Variants in PMM2 observed in about 807,000 individuals in gnomAD.
The protein encoded by PMM2 is phosphomannomutase 2.
PMM2 carries 35 observed loss-of-function variants against 33.2 expected under a neutral mutation model. That is an observed-to-expected ratio of 1.06 (90% CI 0.81 to 1.40). The LOEUF (loss-of-function observed/expected upper bound fraction) is 1.40. Ranked by LOEUF, PMM2 falls within the 40% of genes most tolerant of loss-of-function variation. PMM2 has a pLI of 0.00. For missense variants in PMM2, 386 were observed against 306.0 expected (o/e 1.26, Z -1.95); for synonymous variants, 153 against 114.7 (o/e 1.33, Z -2.13).
At chr16:8,832,600 G>C in intron 7 of PMM2, 1 of 985,372 alleles carries the variant, frequency 1.0e-6, no homozygotes, top group Non-Finnish European at 1.2e-6. Context: ...CCAGGTAATG[G>C]CCTCTGTCCT....
In PMM2 at chr16:8,798,025, G is replaced by C. The variant is rs151181393; in HGVS notation, c.66+77G>C. On this transcript the variant is annotated intron_variant, in intron 1 of 7. Coordinates refer to ENST00000268261, the MANE Select transcript of PMM2 (RefSeq NM_000303.3). ...CCCAGTTGGGGCTATCGACCACCCAGGGTAGGCGCCAAGGGGTGGCTAAGG... is the reference window on the plus strand; with the variant it reads ...CCCAGTTGGGGCTATCGACCACCCACGGTAGGCGCCAAGGGGTGGCTAAGG... The C allele has an allele frequency of 2.6e-4, 373 of 1,433,394 alleles. 1 individual carries two copies. In the African/African-American group the frequency reaches 5.0e-3, roughly 19 times the overall value. 88.8% of individuals were successfully genotyped at this position (1,433,394 alleles called of 1,614,324 possible).
chr16:8,830,141 G>A (rs1291597903), intron 7 of PMM2, among the ~76,000 whole-genome samples: 1 of 152,196 alleles, frequency 6.6e-6, no homozygotes, highest in South Asian at 2.1e-4. Context: ...AGTAGAGATG[G>A]TGCCAGTGTC....
At chr16:8,798,940 A>G (rs1288661085) in intron 1 of PMM2, among the ~76,000 whole-genome samples, 5 of 152,090 alleles carry the variant, frequency 3.3e-5, no homozygotes, top group South Asian at 2.1e-4. Flanking sequence ...CACAGGTTTG[A>G]TTTACCTAGT....
rs542989851 is a variant in PMM2, at chr16:8,820,779, G to A, written c.639+7673G>A. On this transcript the variant is annotated intron_variant, in intron 7 of 7. Transcript: ENST00000268261. ...ATCTTTGGCCTGGTCCACAACCAGC[G>A]TCTGCTTCCTTCACTTTCTAAGAAA... Among the ~76,000 whole-genome samples the A allele has an allele frequency of 4.5e-4, 68 of 152,304 alleles. 1 individual carries two copies. Among genetic ancestry groups the A allele is most frequent in the African/African-American group, 1.5e-3 (63 of 41,556 alleles).
In PMM2 at chr16:8,799,018, G is replaced by C. The variant is rs376524176; in HGVS notation, c.66+1070G>C. ...TCTGAAATTCAGTGATCACACACTT[G>C]GGTTTGTTAAAAGCCCATAGTGGTC... On this transcript the variant is annotated intron_variant, in intron 1 of 7. Coordinates refer to ENST00000268261, the MANE Select transcript of PMM2 (RefSeq NM_000303.3). Among the ~76,000 whole-genome samples, 10 of 152,256 alleles carry C rather than the reference G, an allele frequency of 6.6e-5. No homozygotes were observed. In the East Asian group the frequency reaches 1.7e-3, roughly 26 times the overall value.
At chr16:8,832,812 C>G (rs904210705) in intron 7 of PMM2, 101 of 985,324 alleles carry the variant, frequency 1.0e-4, no homozygotes, top group Admixed American at 1.8e-4. Flanking sequence ...CAGCCCCTGC[C>G]CATCCTCCCT....
intron 7 of PMM2, among the ~76,000 whole-genome samples, chr16:8,815,464 CAA>C (rs1283187274): frequency 4.6e-5 from 7 of 152,166 alleles, no homozygotes; most frequent in Non-Finnish European, 8.8e-5. Context: ...CTCCTGGCCT[CAA>C]GAGATTCACC....
At chr16:8,842,051 AGTT>A (rs1409362834) in intron 7 of PMM2, among the ~76,000 whole-genome samples, 1 of 150,318 alleles carries the variant, frequency 6.7e-6, no homozygotes, top group African/African-American at 2.5e-5. Flanking sequence ...AGTAAGGTCA[AGTT>A]GTTTGGACAG....
At chr16:8,823,466 C>A (rs2060749479) in intron 7 of PMM2, among the ~76,000 whole-genome samples, 1 of 152,124 alleles carries the variant, frequency 6.6e-6, no homozygotes, top group Non-Finnish European at 1.5e-5. Flanking sequence ...TTTCCCTCTC[C>A]CATCCTTATT....
intron 7 of PMM2, among the ~76,000 whole-genome samples, chr16:8,824,328 G>A (rs1312653265): frequency 6.6e-6 from 1 of 152,166 alleles, no homozygotes; most frequent in Non-Finnish European, 1.5e-5. Context: ...ATTATAAACT[G>A]CCTTTTGAAA....
chr16:8,847,614 C>T (rs1168781660), intron 7 of PMM2, 110 bp from the exon 8 acceptor site: 2 of 784,556 alleles, frequency 2.5e-6, no homozygotes, highest in Non-Finnish European at 4.6e-6. Flanking sequence ...AGAAACTCTC[C>T]CTGCCCAGTT....
At chr16:8,835,413 A>G (rs1031104977) in intron 7 of PMM2, among the ~76,000 whole-genome samples, 4 of 152,018 alleles carry the variant, frequency 2.6e-5, no homozygotes, top group Non-Finnish European at 5.9e-5. Flanking sequence ...CGTACAGCCC[A>G]GGTAATTTGC....
At chr16:8,836,760 T>C (rs2060850911) in intron 7 of PMM2, among the ~76,000 whole-genome samples, 2 of 152,070 alleles carry the variant, frequency 1.3e-5, no homozygotes, top group African/African-American at 2.4e-5. Flanking sequence ...TTTTAGGGTC[T>C]AGGGCTGTAA....
At chr16:8,832,873 G>C (rs944922595) in intron 7 of PMM2, 17 of 985,296 alleles carry the variant, frequency 1.7e-5, no homozygotes, top group South Asian at 4.7e-5. Context: ...ACGTCCCTCA[G>C]ATGCCAGGGT....
intron 1 of PMM2, among the ~76,000 whole-genome samples, chr16:8,799,296 C>T (rs891062048): frequency 1.3e-5 from 2 of 152,146 alleles, no homozygotes; most frequent in Non-Finnish European, 2.9e-5. Flanking sequence ...TATCACTGAA[C>T]CCTCTCAACC....
At chr16:8,831,945 C>G (rs1334406339) in intron 7 of PMM2, among the ~76,000 whole-genome samples, 1 of 152,132 alleles carries the variant, frequency 6.6e-6, no homozygotes, top group East Asian at 1.9e-4. Flanking sequence ...CTCCAGGGAA[C>G]AGGGTTTTTG....
chr16:8,846,680 C>T (rs2060927747), intron 7 of PMM2, among the ~76,000 whole-genome samples: 1 of 152,096 alleles, frequency 6.6e-6, no homozygotes, highest in Admixed American at 6.5e-5. Flanking sequence ...GGTGTGACCC[C>T]AACCATCATC....
intron 2 of PMM2, among the ~76,000 whole-genome samples, chr16:8,803,837 G>GC (rs1408581793): frequency 2.7e-5 from 4 of 147,620 alleles, no homozygotes; most frequent in Non-Finnish European, 6.0e-5. Flanking sequence ...GCGCCCACCA[G>GC]CACGCCCGGC....
chr16:8,802,802 C>T (rs970398653), intron 2 of PMM2, among the ~76,000 whole-genome samples: 3 of 149,930 alleles, frequency 2.0e-5, no homozygotes, highest in African/African-American at 7.4e-5. Context: ...TGCACTCCAG[C>T]CTGGGCAATA....
Sources: allele counts gnomAD v4.1 joint callset (sites outside exome capture counted in the v4.1 genomes callset), GRCh38; gene constraint gnomAD v4.1.1; transcripts MANE v1.5; gene names NCBI Gene and HGNC (gene_info 2026-07-23, HGNC 2026-07-21).